TRIO: variants seen among roughly 807,000 people sequenced by gnomAD.
TRIO encodes the protein trio Rho guanine nucleotide exchange factor.
A neutral mutation model predicts 351.9 loss-of-function variants in TRIO; 58 were observed. The ratio of observed to expected loss-of-function variants is 0.16; its 90% CI spans 0.13 to 0.21. The LOEUF is 0.21. Ranked by LOEUF, TRIO falls within the 10% of genes least tolerant of loss-of-function variation. The pLI is 1.00. For missense variants in TRIO, 3,201 were observed against 4,027.8 expected, an observed-to-expected ratio of 0.79 and a Z score of 5.56; for synonymous variants, 1,758 against 1,595.7, an observed-to-expected ratio of 1.10 and a Z score of -2.42.
chr5:14,154,587 T>C (rs33022), intron 1 of TRIO, among the ~76,000 whole-genome samples: 107,152 of 151,950 alleles, frequency 0.71, 39,120 homozygotes, highest in African/African-American at 0.91. Context: ...TCATCAGCCA[T>C]ACCTCATGTG....
At chr5:14,314,511 T>G (rs749470176) in intron 8 of TRIO, among the ~76,000 whole-genome samples, 11 of 152,076 alleles carry the variant, frequency 7.2e-5, no homozygotes, top group Non-Finnish European at 1.5e-4. Flanking sequence ...AAAACAGCTC[T>G]TGTAAAGTTC....
At chr5:14,311,118 C>A (rs527966762) in intron 8 of TRIO, among the ~76,000 whole-genome samples, 1 of 152,216 alleles carries the variant, frequency 6.6e-6, no homozygotes, top group Non-Finnish European at 1.5e-5. Context: ...TCTTCTCACC[C>A]CAAACTCAGC....
intron 4 of TRIO, among the ~76,000 whole-genome samples, chr5:14,289,177 G>A (rs564704176): frequency 6.6e-6 from 1 of 152,140 alleles, no homozygotes; most frequent in South Asian, 2.1e-4. Flanking sequence ...CACAAGGTCA[G>A]GAGTTCGAGA....
At chr5:14,246,687 C>T (rs1794456860) in intron 1 of TRIO, among the ~76,000 whole-genome samples, 1 of 152,188 alleles carries the variant, frequency 6.6e-6, no homozygotes, top group Non-Finnish European at 1.5e-5. Context: ...CACCCCTCGC[C>T]TCCTGTTCCC....
intron 1 of TRIO, among the ~76,000 whole-genome samples, chr5:14,261,901 G>A (rs1025226862): frequency 3.3e-5 from 5 of 152,186 alleles, no homozygotes; most frequent in Non-Finnish European, 7.3e-5. Context: ...GTACTAATCA[G>A]TCACCAAATA....
chr5:14,149,025 G>A (rs577937706), intron 1 of TRIO, among the ~76,000 whole-genome samples: 1 of 152,330 alleles, frequency 6.6e-6, no homozygotes, highest in African/African-American at 2.4e-5. Flanking sequence ...CTTGCACTTG[G>A]GAATTCTGGC....
chr5:14,270,394 G>C (rs1023532742), intron 1 of TRIO, among the ~76,000 whole-genome samples: 1 of 152,186 alleles, frequency 6.6e-6, no homozygotes, highest in South Asian at 2.1e-4. Flanking sequence ...ATGGAATGAG[G>C]CATTGAGCTC....
intron 21 of TRIO, among the ~76,000 whole-genome samples, chr5:14,384,224 T>TACTGACGCC (rs2152357485): frequency 6.6e-6 from 1 of 152,330 alleles, no homozygotes; most frequent in African/African-American, 2.4e-5. Context: ...GCCATTGCCT[T>TACTGACGCC]ACTGACGCCA....
At chr5:14,254,030 A>T (rs1267836703) in intron 1 of TRIO, among the ~76,000 whole-genome samples, 1 of 149,002 alleles carries the variant, frequency 6.7e-6, no homozygotes, top group Non-Finnish European at 1.5e-5. Context: ...ATTATTTTGA[A>T]GATATTATTT....
In TRIO at chr5:14,330,869, A is replaced by G; in HGVS notation, c.1823A>G (p.Lys608Arg). Residue 608 changes from lysine (K) to arginine (R), a missense_variant, in exon 10 of 57, where the codon AAA becomes AGA. By Grantham distance (26) the Lys-to-Arg change is conservative. This residue lies in a region of TRIO where 38 missense variants were observed against 93.4 expected (regional missense o/e 0.41). Coordinates refer to ENST00000344204, the MANE Select transcript of TRIO (RefSeq NM_007118.4). ...CTTCATCGGGCCAGAGCATTGCAGA[A>G]ACGTCATGAAGATTTTGAAGAAGTG... ...KSLHRARALQ[K>R]RHEDFEEVAQ... 6.2e-7 allele frequency: 1 copy of G among 1,614,176 alleles called. No individual in the cohort carries two copies.
intron 4 of TRIO, among the ~76,000 whole-genome samples, chr5:14,289,079 A>G (rs1188291450): frequency 2.6e-5 from 4 of 151,726 alleles, no homozygotes; most frequent in Non-Finnish European, 4.4e-5. Flanking sequence ...CTGTCTCTAT[A>G]TTTTGTTTTA....
chr5:14,297,002 T>C, intron 6 of TRIO, 70 bp from the exon 7 acceptor site: 1 of 1,434,058 alleles, frequency 7.0e-7, no homozygotes, highest in South Asian at 1.3e-5. Flanking sequence ...AGGTGGCATC[T>C]GGGCTTCTTA....
At chr5:14,490,758 G>A in intron 48 of TRIO, 1 of 455,012 alleles carries the variant, frequency 2.2e-6, no homozygotes, top group South Asian at 1.6e-5. Flanking sequence ...GATTGTAGTA[G>A]CAAAATACTC....
intron 1 of TRIO, among the ~76,000 whole-genome samples, chr5:14,206,103 C>A (rs1178675437): frequency 6.6e-6 from 1 of 152,018 alleles, no homozygotes; most frequent in Non-Finnish European, 1.5e-5. Flanking sequence ...ACTCTGTCAC[C>A]CAGACTGGAG....
intron 6 of TRIO, among the ~76,000 whole-genome samples, chr5:14,296,162 A>G (rs1027493257): frequency 6.6e-6 from 1 of 152,166 alleles, no homozygotes; most frequent in East Asian, 1.9e-4. Context: ...AAGTTTGGAC[A>G]GATCAGGAAA....
intron 1 of TRIO, among the ~76,000 whole-genome samples, chr5:14,269,640 T>C (rs1795873827): frequency 6.6e-6 from 1 of 152,214 alleles, no homozygotes; most frequent in African/African-American, 2.4e-5. Context: ...CTCCCAGCTT[T>C]TGTCATTCTC....
chr5:14,219,590 A>T (rs769965401), intron 1 of TRIO, among the ~76,000 whole-genome samples: 1 of 152,196 alleles, frequency 6.6e-6, no homozygotes, highest in East Asian at 1.9e-4. Flanking sequence ...CCAATCCCGT[A>T]TTAATAGGAC....
chr5:14,505,107 C>T (rs932638354), intron 55 of TRIO, among the ~76,000 whole-genome samples: 2 of 152,366 alleles, frequency 1.3e-5, no homozygotes, highest in East Asian at 3.9e-4. Flanking sequence ...CAGAGCTGCC[C>T]CTCTGGTCCC....
At chr5:14,406,116 T>G (rs761249459) in intron 32 of TRIO, 126 bp downstream of exon 32, 21 of 1,328,830 alleles carry the variant, frequency 1.6e-5, no homozygotes, top group Non-Finnish European at 2.0e-5. Context: ...TAAACTGCCA[T>G]TTGTGGATAA....
Sources: allele counts gnomAD v4.1 joint callset (sites outside exome capture counted in the v4.1 genomes callset), GRCh38; gene constraint gnomAD v4.1.1; regional missense constraint gnomAD v4.1.1; transcripts MANE v1.5; gene names NCBI Gene and HGNC (gene_info 2026-07-23, HGNC 2026-07-21).